The following DIPK1A variants were observed in gnomAD, a reference collection of about 807,000 sequenced individuals.
DIPK1A encodes family with sequence similarity 69 member A.
Under a neutral mutation model 40.8 loss-of-function variants are expected in DIPK1A, and 27 were observed. The ratio of observed to expected loss-of-function variants is 0.66; its 90% confidence interval spans 0.49 to 0.91. The LOEUF is 0.91. Ranked by LOEUF, DIPK1A falls within the 40% of genes least tolerant of loss-of-function variation. The pLI is 0.00. For synonymous variants in DIPK1A, 166 were observed against 171.3 expected (o/e 0.97, Z 0.24); for missense variants, 412 against 505.7 (o/e 0.81, Z 1.78).
chr1:92,837,224 G>A, downstream of DIPK1A: 1 of 701,144 alleles, frequency 1.4e-6, no homozygotes, highest in East Asian at 2.8e-5. Flanking sequence ...GAAAGCCTTG[G>A]TAATGGCTTT....
intron 1 of DIPK1A, among the ~76,000 whole-genome samples, chr1:92,935,451 A>C (rs2100880579): frequency 6.6e-6 from 1 of 152,358 alleles, no homozygotes; most frequent in South Asian, 2.1e-4. Flanking sequence ...ACAATTAATA[A>C]ATTCTGAATC....
intron 2 of DIPK1A, among the ~76,000 whole-genome samples, chr1:92,860,627 TAA>T (rs796274250): frequency 9.0e-5 from 1 of 11,072 alleles, no homozygotes. Context: ...CAATTTCTAC[TAA>T]AAAAAAAAAA....
At position 92,842,490 on chromosome 1, in the gene DIPK1A, A is replaced by C; in HGVS notation, c.*893T>G. On this transcript the variant is annotated 3_prime_UTR_variant, in exon 5 of 5. Transcript: ENST00000370310. ...AAGTTTACATGGGGAAAAAAACATTAGATAAATAAATACATTTACATGCCT... is the reference window on the plus strand; with the variant it reads ...AAGTTTACATGGGGAAAAAAACATTCGATAAATAAATACATTTACATGCCT... The C allele has an allele frequency of 3.1e-6, 3 of 978,668 alleles. No homozygotes were observed. Among genetic ancestry groups the C allele is most frequent in the Non-Finnish European group, 3.6e-6 (3 of 823,760 alleles). The allele number at this position is 978,668 out of a possible 1,614,324, so 60.6% of individuals were successfully genotyped here.
At chr1:92,909,030 C>G (rs1411916429) in intron 1 of DIPK1A, among the ~76,000 whole-genome samples, 1 of 152,054 alleles carries the variant, frequency 6.6e-6, no homozygotes, top group Non-Finnish European at 1.5e-5. Flanking sequence ...CAAAACATTT[C>G]CAAATTCAGG....
chr1:92,847,206 C>G lies in DIPK1A; in HGVS notation c.451G>C (p.Glu151Gln), dbSNP rs772160160. The change falls in exon 4 of 5, where the codon GAA becomes CAA. Residue 151 changes from glutamate (E) to glutamine (Q), a missense_variant. By Grantham distance (29) the Glu-to-Gln change is conservative. Coordinates refer to ENST00000370310, the MANE Select transcript of DIPK1A (RefSeq NM_001006605.5). ...TRGTTVQKFK[E>Q]MVYSLFKAKL... ...ACCTTAAAGAGACTATAGACCATTT[C>G]TTTAAATTTTTGTACAGTAGTTCCT... 3.2e-6 allele frequency: 5 copies of G among 1,577,228 alleles called. No individual in the cohort carries two copies. Among genetic ancestry groups the G allele is most frequent in the Admixed American group, 1.9e-5 (1 of 53,500 alleles).
intron 1 of DIPK1A, among the ~76,000 whole-genome samples, chr1:92,926,559 CTG>C (rs1650518379): frequency 6.6e-6 from 1 of 152,154 alleles, no homozygotes; most frequent in African/African-American, 2.4e-5. Flanking sequence ...TCTTCTATAT[CTG>C]TACAGACTTT....
chr1:92,833,236 G>A, intron 4 of DIPK1A: 3 of 675,102 alleles, frequency 4.4e-6, no homozygotes, highest in Non-Finnish European at 8.0e-6. Context: ...AAAGATTCTT[G>A]ACCCTAGTTG....
At chr1:92,939,277 C>T (rs1651063015) in intron 1 of DIPK1A, among the ~76,000 whole-genome samples, 1 of 152,170 alleles carries the variant, frequency 6.6e-6, no homozygotes. Context: ...CAAATACTAT[C>T]ATTTTGTACA....
chr1:92,864,211 G>C (rs1366144287), intron 2 of DIPK1A, among the ~76,000 whole-genome samples: 1 of 152,180 alleles, frequency 6.6e-6, no homozygotes, highest in Non-Finnish European at 1.5e-5. Flanking sequence ...AAAGCTAAAT[G>C]AAATACAGTT....
intron 1 of DIPK1A, among the ~76,000 whole-genome samples, chr1:92,959,326 T>C (rs1651965871): frequency 6.6e-6 from 1 of 151,812 alleles, no homozygotes; most frequent in Non-Finnish European, 1.5e-5. Flanking sequence ...ATAAGTTTGG[T>C]TGGAAGAGGG....
chr1:92,841,848 C>T (rs200315052), downstream of DIPK1A: 10 of 1,611,512 alleles, frequency 6.2e-6, no homozygotes, highest in East Asian at 2.2e-5. Context: ...AGCTCAGGAG[C>T]GGGCTGCTGA....
chr1:92,960,457 A>G (rs1035848075), intron 1 of DIPK1A, among the ~76,000 whole-genome samples: 1 of 152,126 alleles, frequency 6.6e-6, no homozygotes, highest in Non-Finnish European at 1.5e-5. Context: ...TGACCCACGC[A>G]AGGCATTGAT....
chr1:92,894,851 T>C (rs550139624), intron 1 of DIPK1A, among the ~76,000 whole-genome samples: 2,321 of 152,100 alleles, frequency 0.015, 33 homozygotes, highest in Non-Finnish European at 0.025. Context: ...AAATACAAAC[T>C]ACCATCAGAG....
chr1:92,919,998 G>A (rs1571124496), intron 1 of DIPK1A, among the ~76,000 whole-genome samples: 1 of 152,300 alleles, frequency 6.6e-6, no homozygotes, highest in East Asian at 1.9e-4. Context: ...GGCTCAACTT[G>A]AGACCCTATA....
intron 1 of DIPK1A, among the ~76,000 whole-genome samples, chr1:92,927,177 A>G (rs770791379): frequency 6.6e-6 from 1 of 152,050 alleles, no homozygotes; most frequent in Non-Finnish European, 1.5e-5. Context: ...ATAGAATTCA[A>G]TGTTTTGTTG....
At position 92,842,774 on chromosome 1, in the gene DIPK1A, CAA is replaced by C. The variant is rs781769607; in HGVS notation, c.*607_*608del. On this transcript the variant is annotated 3_prime_UTR_variant, in exon 5 of 5. Transcript: ENST00000370310. Reference sequence around the variant, plus strand: ...TTAGTCAATAAAATTGGTGTACTGTCAAGTATAAGATTTCTTGAAGTAAGCCA... The same window carrying C: ...TTAGTCAATAAAATTGGTGTACTGTCGTATAAGATTTCTTGAAGTAAGCCA... 1.9e-5 allele frequency: 19 copies of C among 985,292 alleles called. No homozygotes were observed. Among genetic ancestry groups the C allele is most frequent in the Non-Finnish European group, 2.3e-5 (19 of 829,862 alleles). The allele number at this position is 985,292 out of a possible 1,614,324, so 61.0% of individuals were successfully genotyped here. A position where few individuals can be genotyped will look rare whatever the true frequency, so the allele number is the denominator to read the frequency against.
chr1:92,937,083 A>G (rs1464006034), intron 1 of DIPK1A, among the ~76,000 whole-genome samples: 1 of 152,216 alleles, frequency 6.6e-6, no homozygotes, highest in East Asian at 1.9e-4. Context: ...ATTTAATTGC[A>G]CTTAAGTCCT....
At chr1:92,878,868 G>A (rs982121967) in intron 1 of DIPK1A, among the ~76,000 whole-genome samples, 3 of 151,366 alleles carry the variant, frequency 2.0e-5, no homozygotes, top group Non-Finnish European at 4.4e-5. Flanking sequence ...TTAGCCGAGT[G>A]TGGTGGCATG....
chr1:92,898,750 T>A (rs1247239481), intron 1 of DIPK1A, among the ~76,000 whole-genome samples: 1 of 152,088 alleles, frequency 6.6e-6, no homozygotes, highest in Non-Finnish European at 1.5e-5. Context: ...CCCAAAGTGC[T>A]GGGATTACAG....
Sources: gnomAD v4.1 joint callset for allele counts (sites outside exome capture counted in the v4.1 genomes callset) on GRCh38, gnomAD v4.1.1 for gene constraint, MANE v1.5 for transcripts, NCBI Gene and HGNC (gene_info 2026-07-23, HGNC 2026-07-21) for gene names.